ADCY2: variants seen among roughly 807,000 people sequenced by gnomAD.
ADCY2 encodes adenylate cyclase type 2.
Under a neutral mutation model 125.2 loss-of-function variants are expected in ADCY2, and 31 were observed. The ratio of observed to expected loss-of-function variants is 0.25; its 90% confidence interval spans 0.19 to 0.33. ADCY2 has a LOEUF of 0.33. Among genes scored for constraint, ADCY2 ranks in the 10% least tolerant of loss-of-function variants. The pLI, the probability that ADCY2 is intolerant of heterozygous loss-of-function variation, is 1.00. For synonymous variants in ADCY2, 512 were observed against 548.4 expected (o/e 0.93, Z 0.93); for missense variants, 904 against 1,418.2 (o/e 0.64, Z 5.82).
At chr5:7,556,398 A>T (rs1451418965) in intron 3 of ADCY2, among the ~76,000 whole-genome samples, 1 of 152,218 alleles carries the variant, frequency 6.6e-6, no homozygotes, top group East Asian at 1.9e-4. Context: ...ATGAATGAAC[A>T]GTAAATTTGT....
intron 18 of ADCY2, among the ~76,000 whole-genome samples, chr5:7,774,911 AC>A (rs1743673033): frequency 6.6e-6 from 1 of 152,248 alleles, no homozygotes; most frequent in African/African-American, 2.4e-5. Flanking sequence ...ATGTTTTCAT[AC>A]ATCTTGCAAT....
intron 4 of ADCY2, among the ~76,000 whole-genome samples, chr5:7,675,124 G>A (rs1222229113): frequency 6.6e-6 from 1 of 150,978 alleles, no homozygotes; most frequent in African/African-American, 2.4e-5. Context: ...CGCCACTGCA[G>A]TCCGGCCTGG....
chr5:7,668,369 G>A (rs550675969), intron 4 of ADCY2, among the ~76,000 whole-genome samples: 1 of 152,172 alleles, frequency 6.6e-6, no homozygotes, highest in African/African-American at 2.4e-5. Flanking sequence ...CTGCCCTGTG[G>A]AATCTTAACT....
intron 3 of ADCY2, among the ~76,000 whole-genome samples, chr5:7,557,179 A>G (rs192055250): frequency 1.6e-5 from 2 of 127,548 alleles, no homozygotes; most frequent in Admixed American, 7.4e-5. Context: ...ATAATCACAC[A>G]TATTATATAT....
At chr5:7,453,087 G>C (rs552017339) in intron 2 of ADCY2, among the ~76,000 whole-genome samples, 8 of 152,282 alleles carry the variant, frequency 5.3e-5, no homozygotes, top group Non-Finnish European at 1.2e-4. Flanking sequence ...TTGCTGTGCA[G>C]AGGCTTTTTA....
chr5:7,780,576 G>T (rs372606319), intron 18 of ADCY2, among the ~76,000 whole-genome samples: 1 of 152,246 alleles, frequency 6.6e-6, no homozygotes, highest in African/African-American at 2.4e-5. Flanking sequence ...TCAGTGAACC[G>T]ATTTTTTTAT....
At chr5:7,738,779 A>G (rs1742324494) in intron 14 of ADCY2, among the ~76,000 whole-genome samples, 1 of 151,992 alleles carries the variant, frequency 6.6e-6, no homozygotes, top group Admixed American at 6.6e-5. Flanking sequence ...ATTAACAGAG[A>G]TAAATATAGA....
rs1473659045 is a variant in ADCY2 at position 7,698,194 on chromosome 5, G to A, written c.982-53G>A. On this transcript the variant is annotated intron_variant, in intron 6 of 24. Transcript: ENST00000338316. Reference sequence around the variant, plus strand: ...CGCTTGATGATATTACATGAATCTAGATCATTCTGCAAGTGCTTAATGCAA... The same window carrying A: ...CGCTTGATGATATTACATGAATCTAAATCATTCTGCAAGTGCTTAATGCAA... The A allele has an allele frequency of 5.0e-6, 8 of 1,607,706 alleles. No homozygotes were observed. The Admixed American group carries it at 8.3e-5, about 17-fold the overall frequency.
intron 4 of ADCY2, among the ~76,000 whole-genome samples, chr5:7,666,510 C>G (rs1383415968): frequency 8.6e-5 from 13 of 151,558 alleles, no homozygotes; most frequent in Admixed American, 8.6e-4. Context: ...CCTCATGATC[C>G]GACCGCCTCG....
At chr5:7,804,052 G>A (rs1371469499) in intron 21 of ADCY2, among the ~76,000 whole-genome samples, 1 of 139,546 alleles carries the variant, frequency 7.2e-6, no homozygotes, top group East Asian at 2.0e-4. Flanking sequence ...GAGAGAGAGA[G>A]AGAGAGAGAG....
chr5:7,750,307 A>G (rs1394765308), intron 15 of ADCY2, among the ~76,000 whole-genome samples: 4 of 152,162 alleles, frequency 2.6e-5, no homozygotes, highest in Admixed American at 1.3e-4. Flanking sequence ...ACATGTACAC[A>G]TGATTAACAA....
At chr5:7,462,267 G>A (rs7712588) in intron 2 of ADCY2, among the ~76,000 whole-genome samples, 30 of 152,294 alleles carry the variant, frequency 2.0e-4, no homozygotes, top group Middle Eastern at 3.4e-3. Context: ...ACACTTGGAA[G>A]AGAGTCATCA....
chr5:7,473,453 T>C (rs992388346), intron 2 of ADCY2, among the ~76,000 whole-genome samples: 24 of 152,176 alleles, frequency 1.6e-4, no homozygotes, highest in Middle Eastern at 3.4e-3. Flanking sequence ...TCTCAAGGAC[T>C]GCACCAGGTT....
At chr5:7,568,864 G>A (rs897273693) in intron 3 of ADCY2, among the ~76,000 whole-genome samples, 6 of 152,012 alleles carry the variant, frequency 3.9e-5, no homozygotes, top group African/African-American at 1.4e-4. Context: ...TCCTCAGTTT[G>A]TCAGCCATGA....
intron 1 of ADCY2, among the ~76,000 whole-genome samples, chr5:7,407,907 C>T (rs1179413782): frequency 7.0e-6 from 1 of 143,472 alleles, no homozygotes; most frequent in Non-Finnish European, 1.5e-5. Flanking sequence ...CTCGCTCTGT[C>T]GATCCAGCTG....
chr5:7,743,901 T>C lies in ADCY2; in HGVS notation c.1956+149T>C, dbSNP rs1742519955. ...GTTAAGGAAACACACACCCTTCAGGTCTATAACCAGGAATATAGACTGGGA... is the reference window on the plus strand; with the variant it reads ...GTTAAGGAAACACACACCCTTCAGGCCTATAACCAGGAATATAGACTGGGA... On this transcript the variant is annotated intron_variant, in intron 15 of 24. Coordinates refer to ENST00000338316, the MANE Select transcript of ADCY2 (RefSeq NM_020546.3). 4.4e-6 allele frequency: 3 copies of C among 686,226 alleles called. No homozygotes were observed. The South Asian group carries it at 5.7e-5, about 13-fold the overall frequency. The allele number at this position is 686,226 out of a possible 1,614,324, so 42.5% of individuals were successfully genotyped here.
Position 7,827,107 on chromosome 5 carries a change from G to A in ADCY2, c.*236G>A, listed in dbSNP as rs559367029. 14 of 454,774 alleles carry A rather than the reference G, an allele frequency of 3.1e-5. No homozygotes were observed. The highest frequency in any genetic ancestry group is 2.6e-4 in the African/African-American group (13 of 50,526). The allele number at this position is 454,774 out of a possible 1,614,324, so 28.2% of individuals were successfully genotyped here. ...AAAGGGAAAAGGAGCGCGCGTGATA[G>A]AAGAAAAGCACTGGGAGAACTAACA... is the stretch of plus-strand genomic sequence containing the variant. On this transcript the variant is annotated 3_prime_UTR_variant, in exon 25 of 25. Coordinates refer to ENST00000338316, the MANE Select transcript of ADCY2 (RefSeq NM_020546.3).
intron 4 of ADCY2, among the ~76,000 whole-genome samples, chr5:7,644,907 C>T (rs1038946396): frequency 4.6e-5 from 7 of 152,164 alleles, no homozygotes; most frequent in Non-Finnish European, 1.0e-4. Flanking sequence ...CAGTTAGTCT[C>T]AGAACAAGGG....
intron 22 of ADCY2, among the ~76,000 whole-genome samples, chr5:7,807,339 C>A (rs1368804411): frequency 2.0e-5 from 3 of 152,152 alleles, no homozygotes; most frequent in African/African-American, 7.2e-5. Flanking sequence ...TCTACTTTCT[C>A]TCTACACCTC....
Sources: allele counts gnomAD v4.1 joint callset (sites outside exome capture counted in the v4.1 genomes callset), GRCh38; gene constraint gnomAD v4.1.1; transcripts MANE v1.5; gene names NCBI Gene and HGNC (gene_info 2026-07-23, HGNC 2026-07-21).